CAST: variants seen among roughly 807,000 people sequenced by gnomAD.
CAST encodes MIR583 host.
In CAST, 76 loss-of-function variants were observed where a neutral mutation model predicts 119.6. The observed-to-expected ratio is 0.64, with a 90% CI of 0.53 to 0.77. The LOEUF (loss-of-function observed/expected upper bound fraction) is 0.77, where lower values mean the gene tolerates loss of function less well. CAST is among the 30% of genes least tolerant of loss of function. CAST has a pLI of 0.00. For synonymous variants in CAST, 319 were observed against 331.6 expected (o/e 0.96, Z 0.41); for missense variants, 953 against 946.5 (o/e 1.01, Z -0.09).
chr5:96,167,976 C>G, the CAST span, among the ~76,000 whole-genome samples: 68,596 of 152,038 alleles, frequency 0.45, 17,689 homozygotes, highest in African/African-American at 0.71. Flanking sequence ...AGATTTCCAC[C>G]ATGGGAAGGA....
At chr5:96,670,082 T>C (rs945762834) in intron 1 of CAST, among the ~76,000 whole-genome samples, 1 of 152,162 alleles carries the variant, frequency 6.6e-6, no homozygotes, top group African/African-American at 2.4e-5. Flanking sequence ...GTGTGTGTGA[T>C]GGTAGAGAGC....
chr5:96,643,744 G>A (rs916715365), intron 1 of CAST, among the ~76,000 whole-genome samples: 21 of 152,136 alleles, frequency 1.4e-4, no homozygotes, highest in Admixed American at 2.6e-4. Flanking sequence ...GTGGTGGCGC[G>A]CACCTGTAAT....
chr5:96,281,314 C>T, the CAST span, among the ~76,000 whole-genome samples: 47,145 of 151,982 alleles, frequency 0.31, 7,626 homozygotes, highest in Admixed American at 0.41. Flanking sequence ...TGACTAGATC[C>T]GGTGACTCAA....
At chr5:96,534,020 A>T (rs146848354) in intron 1 of CAST, among the ~76,000 whole-genome samples, 3 of 152,218 alleles carry the variant, frequency 2.0e-5, no homozygotes, top group Middle Eastern at 3.2e-3. Flanking sequence ...TATATTGTCA[A>T]TGATAAAATA....
chr5:96,402,115 C>T, the CAST span, among the ~76,000 whole-genome samples: 1 of 152,182 alleles, frequency 6.6e-6, no homozygotes, highest in East Asian at 1.9e-4. Context: ...GCCTTCTCCC[C>T]AGAGCCCATC....
the CAST span, among the ~76,000 whole-genome samples, chr5:96,453,211 T>C: frequency 6.6e-6 from 1 of 152,192 alleles, no homozygotes; most frequent in Admixed American, 6.5e-5. Context: ...AAAATGCCAA[T>C]TGGATACTTG....
the CAST span, among the ~76,000 whole-genome samples, chr5:96,110,123 A>G: frequency 6.6e-6 from 1 of 152,294 alleles, no homozygotes; most frequent in East Asian, 1.9e-4. Context: ...ACATTAGAGA[A>G]TGGGGTGACA....
At position 96,563,193 on chromosome 5, in the gene CAST, A is replaced by G. The variant is rs1223393626; in HGVS notation, c.60+33313A>G. Among the ~76,000 whole-genome samples, 3 of 152,328 alleles carry G rather than the reference A, an allele frequency of 2.0e-5. No homozygotes were observed. The East Asian group carries it at 5.8e-4, about 29-fold the overall frequency. On this transcript the variant is annotated intron_variant, in intron 1 of 11. Transcript: ENST00000505143. ...GTTCTTCATAACTATTCACTCTTCA[A>G]CAAAACTCCCATAAAAAATAGTTAG...
intron 18 of CAST, among the ~76,000 whole-genome samples, chr5:96,747,920 C>A (rs1764123736): frequency 6.6e-6 from 1 of 152,134 alleles, no homozygotes; most frequent in African/African-American, 2.4e-5. Context: ...AGCCCAAGGT[C>A]AAGGGGCTAT....
chr5:96,250,796 C>T, the CAST span, among the ~76,000 whole-genome samples: 1 of 152,008 alleles, frequency 6.6e-6, no homozygotes, highest in Non-Finnish European at 1.5e-5. Context: ...GAAGAAAACC[C>T]TGAAGAGTAG....
intron 3 of CAST, among the ~76,000 whole-genome samples, chr5:96,696,853 C>G (rs752718252): frequency 6.7e-6 from 1 of 149,842 alleles, no homozygotes; most frequent in Non-Finnish European, 1.5e-5. Context: ...AAGACTCTGT[C>G]TCAAAAATAA....
the CAST span, among the ~76,000 whole-genome samples, chr5:96,257,543 T>C: frequency 1.3e-5 from 2 of 152,212 alleles, no homozygotes; most frequent in African/African-American, 4.8e-5. Flanking sequence ...ATCAGTTGTT[T>C]AAAAGGATTG....
chr5:96,747,322 A>G (rs779173738), intron 17 of CAST, 23 bp from the exon 18 acceptor site: 4 of 1,530,320 alleles, frequency 2.6e-6, no homozygotes, highest in South Asian at 1.2e-5. Context: ...TTCATTTCCA[A>G]TGAATTTTAA....
chr5:96,625,521 T>C (rs951186602), intron 1 of CAST, among the ~76,000 whole-genome samples: 8 of 152,226 alleles, frequency 5.3e-5, no homozygotes, highest in Non-Finnish European at 4.4e-5. Context: ...CTATCCTCTC[T>C]GTGCTTCCAG....
intron 4 of CAST, among the ~76,000 whole-genome samples, chr5:96,725,178 G>A (rs769774553): frequency 3.9e-5 from 6 of 152,066 alleles, no homozygotes; most frequent in Non-Finnish European, 7.4e-5. Flanking sequence ...GGCTAACTAG[G>A]GACCACTTTT....
the CAST span, among the ~76,000 whole-genome samples, chr5:96,413,438 C>T: frequency 1.3e-5 from 2 of 152,124 alleles, no homozygotes; most frequent in Non-Finnish European, 2.9e-5. Flanking sequence ...TACTATGGAG[C>T]AAAGGTAAAA....
intron 1 of CAST, among the ~76,000 whole-genome samples, chr5:96,536,132 T>C (rs968103898): frequency 6.1e-5 from 8 of 131,762 alleles, no homozygotes; most frequent in Non-Finnish European, 9.5e-5. Context: ...CCTAGGCGGG[T>C]GAATCACCTG....
chr5:96,197,688 AC>A, the CAST span, among the ~76,000 whole-genome samples: 1 of 152,046 alleles, frequency 6.6e-6, no homozygotes, highest in Non-Finnish European at 1.5e-5. Context: ...TCCTATTGCT[AC>A]CCCCTTCACA....
intron 3 of CAST, among the ~76,000 whole-genome samples, chr5:96,705,499 G>C (rs113794442): frequency 1.1e-4 from 16 of 151,734 alleles, no homozygotes; most frequent in African/African-American, 3.7e-4. Flanking sequence ...GGCAGAAACT[G>C]TGTAATCAAT....
Sources: allele counts gnomAD v4.1 joint callset (sites outside exome capture counted in the v4.1 genomes callset), GRCh38; gene constraint gnomAD v4.1.1; transcripts MANE v1.5; gene names NCBI Gene and HGNC (gene_info 2026-07-23, HGNC 2026-07-21).